PRKCB: variants seen among roughly 807,000 people sequenced by gnomAD.
PRKCB encodes protein kinase C beta.
A neutral mutation model predicts 81.5 loss-of-function variants in PRKCB; 13 were observed. The observed-to-expected ratio is 0.16, with a 90% CI of 0.10 to 0.25. The LOEUF is 0.25. Ranked by LOEUF, PRKCB falls within the 10% of genes least tolerant of loss-of-function variation. PRKCB has a pLI of 1.00. For missense variants in PRKCB, 509 were observed against 875.7 expected, an observed-to-expected ratio of 0.58 and a Z score of 5.29; for synonymous variants, 335 against 321.4, an observed-to-expected ratio of 1.04 and a Z score of -0.45.
intron 2 of PRKCB, among the ~76,000 whole-genome samples, chr16:23,903,483 A>G (rs930258766): frequency 2.0e-5 from 3 of 152,070 alleles, no homozygotes; most frequent in Non-Finnish European, 2.9e-5. Flanking sequence ...GTTAGTCACA[A>G]TAAATAATAC....
At chr16:24,056,590 A>G (rs1221092797) in intron 5 of PRKCB, among the ~76,000 whole-genome samples, 1 of 152,174 alleles carries the variant, frequency 6.6e-6, no homozygotes, top group Non-Finnish European at 1.5e-5. Context: ...CAGACACCTC[A>G]TGCCTGGCTT....
At chr16:24,052,089 A>T (rs1283643008) in intron 5 of PRKCB, among the ~76,000 whole-genome samples, 5 of 151,974 alleles carry the variant, frequency 3.3e-5, no homozygotes, top group Non-Finnish European at 7.4e-5. Flanking sequence ...AAAAAAAAAA[A>T]GACATAAAAT....
intron 7 of PRKCB, among the ~76,000 whole-genome samples, chr16:24,102,722 A>C (rs1297805793): frequency 6.6e-6 from 1 of 151,808 alleles, no homozygotes; most frequent in Non-Finnish European, 1.5e-5. Context: ...TGTTTTATTT[A>C]CTTATTTATT....
At chr16:23,941,902 C>CAAGAA (rs1964144606) in intron 2 of PRKCB, among the ~76,000 whole-genome samples, 1 of 151,874 alleles carries the variant, frequency 6.6e-6, no homozygotes, top group Non-Finnish European at 1.5e-5. Context: ...GTCAATGAAA[C>CAAGAA]AAGAAAAGAA....
chr16:24,132,228 CTCA>C (rs1437653881), intron 9 of PRKCB, among the ~76,000 whole-genome samples: 2 of 152,296 alleles, frequency 1.3e-5, no homozygotes, highest in East Asian at 3.9e-4. Flanking sequence ...AGTCTTGTAA[CTCA>C]TATCTCTCCA....
chr16:23,927,445 A>T (rs1028198357), intron 2 of PRKCB, among the ~76,000 whole-genome samples: 5 of 152,094 alleles, frequency 3.3e-5, no homozygotes, highest in Non-Finnish European at 1.5e-5. Context: ...GTCCTATGAA[A>T]GAGTGTGTAC....
intron 10 of PRKCB, among the ~76,000 whole-genome samples, chr16:24,171,555 G>T (rs149952021): frequency 3.9e-5 from 6 of 152,176 alleles, no homozygotes; most frequent in African/African-American, 7.2e-5. Flanking sequence ...CACTGTGGGT[G>T]GGGGGAGCAT....
At chr16:24,164,127 A>G (rs1235635082) in intron 10 of PRKCB, among the ~76,000 whole-genome samples, 2 of 152,162 alleles carry the variant, frequency 1.3e-5, no homozygotes, top group African/African-American at 4.8e-5. Flanking sequence ...TGTTCATGGT[A>G]TCTGATTAAA....
chr16:23,899,028 T>C (rs991164861), intron 2 of PRKCB, among the ~76,000 whole-genome samples: 1 of 152,116 alleles, frequency 6.6e-6, no homozygotes. Flanking sequence ...TTATGAATGG[T>C]ATTGGGTGAG....
intron 2 of PRKCB, among the ~76,000 whole-genome samples, chr16:23,875,107 A>G (rs7191400): frequency 6.8e-6 from 1 of 147,714 alleles, no homozygotes; most frequent in Non-Finnish European, 1.5e-5. Flanking sequence ...CACGATCAGG[A>G]CTCAATGCAA....
intron 12 of PRKCB, among the ~76,000 whole-genome samples, chr16:24,177,233 C>T (rs529882831): frequency 1.3e-5 from 2 of 152,268 alleles, no homozygotes; most frequent in East Asian, 1.9e-4. Context: ...ATCAGGAAGC[C>T]GCACTGGGAT....
intron 5 of PRKCB, among the ~76,000 whole-genome samples, chr16:24,089,875 A>G (rs1966356518): frequency 6.6e-6 from 1 of 152,178 alleles, no homozygotes; most frequent in Non-Finnish European, 1.5e-5. Context: ...AATATATAGC[A>G]GTTAACATTT....
Position 24,220,132 on chromosome 16 carries a change from G to T in PRKCB, c.*5316G>T. The T allele has an allele frequency of 6.2e-7, 1 of 1,613,602 alleles. No individual in the cohort carries two copies. Among genetic ancestry groups the T allele is most frequent in the Non-Finnish European group, 8.5e-7 (1 of 1,179,772 alleles). ...TGTGTAGGTGAATGCAAACTCCATC[G>T]TTGAGCCTGGGGTGTAAGACTTCAA... On this transcript the variant is annotated 3_prime_UTR_variant, in exon 17 of 17. Coordinates refer to ENST00000643927, the MANE Select transcript of PRKCB (RefSeq NM_002738.7).
rs55986931 is a variant in PRKCB, at chr16:23,950,132, A to AGTTTTTTTTTTTTTTTTTTTTTTTTTTTT, written c.206-38376_206-38375insGTTTTTTTTTTTTTTTTTTTTTTTTTTTT. On this transcript the variant is annotated intron_variant, in intron 2 of 16. Transcript: ENST00000643927. The stretch of plus-strand genomic sequence containing the variant: ...AGCAGCATTGGCCCCTATGATTTGA[A>AGTTTTTTTTTTTTTTTTTTTTTTTTTTTT]TTTTTTTTTTTTTTTTTTTTTTTTT... Among the ~76,000 whole-genome samples, 8 of 97,760 alleles carry AGTTTTTTTTTTTTTTTTTTTTTTTTTTTT rather than the reference A, an allele frequency of 8.2e-5. 4 individuals are homozygous for AGTTTTTTTTTTTTTTTTTTTTTTTTTTTT. The highest frequency in any genetic ancestry group is 2.3e-4 in the Admixed American group (2 of 8,526). The allele number at this position is 97,760 out of a possible 152,430, so 64.1% of individuals were successfully genotyped here.
chr16:24,208,175 G>A (rs1968077031), intron 16 of PRKCB: 2 of 152,250 alleles, frequency 1.3e-5, no homozygotes, highest in Non-Finnish European at 2.9e-5. Flanking sequence ...ACAAGGCCAA[G>A]GCAAGAGGAT....
chr16:24,093,225 T>C (rs1966398346), intron 6 of PRKCB, among the ~76,000 whole-genome samples: 1 of 152,120 alleles, frequency 6.6e-6, no homozygotes, highest in South Asian at 2.1e-4. Flanking sequence ...GTGTGATGTG[T>C]TGCTAAGTGA....
At chr16:24,022,745 G>A (rs1318518700) in intron 3 of PRKCB, among the ~76,000 whole-genome samples, 13 of 152,270 alleles carry the variant, frequency 8.5e-5, no homozygotes, top group South Asian at 4.2e-4. Context: ...CGCCTGCCTC[G>A]GACTCCCAAA....
intron 10 of PRKCB, among the ~76,000 whole-genome samples, chr16:24,169,652 T>C (rs1967409123): frequency 6.6e-6 from 1 of 152,208 alleles, no homozygotes; most frequent in Admixed American, 6.5e-5. Context: ...TTATCCTGAA[T>C]ACTTTATTGA....
intron 16 of PRKCB, among the ~76,000 whole-genome samples, chr16:24,209,378 G>A (rs1161989485): frequency 2.6e-5 from 4 of 151,950 alleles, no homozygotes; most frequent in Admixed American, 6.6e-5. Flanking sequence ...CCGATGCCAC[G>A]GCCACCAATC....
Sources: gnomAD v4.1 joint callset for allele counts (sites outside exome capture counted in the v4.1 genomes callset) on GRCh38, gnomAD v4.1.1 for gene constraint, MANE v1.5 for transcripts, NCBI Gene and HGNC (gene_info 2026-07-23, HGNC 2026-07-21) for gene names.